TTC27: variants seen among roughly 807,000 people sequenced by gnomAD.
The protein encoded by TTC27 is tetratricopeptide repeat protein 27.
Under a neutral mutation model 115.9 loss-of-function variants are expected in TTC27, and 79 were observed. The observed-to-expected ratio is 0.68, with a 90% CI of 0.57 to 0.82. TTC27 has a LOEUF of 0.82. TTC27 is among the 40% of genes least tolerant of loss of function. The pLI, the probability that TTC27 is intolerant of heterozygous loss-of-function variation, is 0.00. For missense variants in TTC27, 1,054 were observed against 993.1 expected (o/e 1.06, Z -0.82); for synonymous variants, 401 against 356.0 (o/e 1.13, Z -1.42).
At chr2:32,702,021 A>AAAAAC (rs72299540) in intron 9 of TTC27, among the ~76,000 whole-genome samples, 1 of 20,528 alleles carries the variant, frequency 4.9e-5, no homozygotes, top group African/African-American at 2.5e-4. Context: ...AAAAAAAAAA[A>AAAAAC]AAAACAAAAA....
intron 14 of TTC27, among the ~76,000 whole-genome samples, chr2:32,779,137 C>G (rs1387354890): frequency 6.6e-6 from 1 of 152,082 alleles, no homozygotes; most frequent in Non-Finnish European, 1.5e-5. Context: ...GCGGGAGAAT[C>G]ACTTGAACCT....
In TTC27 at chr2:32,640,259, C is replaced by T; in HGVS notation, c.397-11C>T. 1 of 1,608,452 alleles carries T rather than the reference C, an allele frequency of 6.2e-7. No individual in the cohort carries two copies. Among genetic ancestry groups the T allele is most frequent in the Non-Finnish European group, 8.5e-7 (1 of 1,178,224 alleles). On this transcript the variant is annotated splice_polypyrimidine_tract_variant and intron_variant, in intron 3 of 19. Transcript: ENST00000317907. Reference sequence around the variant, plus strand: ...AAATTATATCATCTTAGTTTATAATCCTTTTTTCAGGTTAAAGGACTGGAT... The same window carrying T: ...AAATTATATCATCTTAGTTTATAATTCTTTTTTCAGGTTAAAGGACTGGAT...
At chr2:32,731,354 C>T (rs1246146537) in intron 10 of TTC27, among the ~76,000 whole-genome samples, 1 of 152,116 alleles carries the variant, frequency 6.6e-6, no homozygotes, top group East Asian at 1.9e-4. Context: ...GCTGGGATTA[C>T]AGGCGTGAGC....
intron 10 of TTC27, among the ~76,000 whole-genome samples, chr2:32,715,819 G>A (rs1667733816): frequency 6.6e-6 from 1 of 151,724 alleles, no homozygotes; most frequent in Non-Finnish European, 1.5e-5. Flanking sequence ...TTACACTGAG[G>A]CTCGTACTTG....
intron 13 of TTC27, among the ~76,000 whole-genome samples, chr2:32,762,317 G>A (rs977100745): frequency 1.4e-4 from 19 of 131,042 alleles, no homozygotes; most frequent in Non-Finnish European, 3.2e-4. Context: ...GTGTGTGTGT[G>A]TGTGTGTGTG....
intron 19 of TTC27, among the ~76,000 whole-genome samples, chr2:32,820,518 G>A (rs1671657184): frequency 6.6e-6 from 1 of 152,168 alleles, no homozygotes; most frequent in South Asian, 2.1e-4. Context: ...GTTGAATTAT[G>A]TCTGTTCATT....
chr2:32,805,555 A>C (rs1387523240), intron 16 of TTC27, among the ~76,000 whole-genome samples: 1 of 152,262 alleles, frequency 6.6e-6, no homozygotes, highest in South Asian at 2.1e-4. Context: ...TTTGGCACAA[A>C]GCGAGTGCTC....
intron 10 of TTC27, among the ~76,000 whole-genome samples, chr2:32,730,810 T>C (rs1012698187): frequency 2.6e-5 from 4 of 151,782 alleles, no homozygotes; most frequent in South Asian, 2.1e-4. Flanking sequence ...TTAGTAGAGA[T>C]GGGGTTTCAC....
intron 10 of TTC27, among the ~76,000 whole-genome samples, chr2:32,730,086 C>T (rs549043940): frequency 2.6e-5 from 4 of 152,286 alleles, no homozygotes; most frequent in Admixed American, 6.5e-5. Context: ...TGAGGCTTCA[C>T]GTGCATTCAG....
chr2:32,712,555 T>C (rs78143670), intron 10 of TTC27, among the ~76,000 whole-genome samples: 1,967 of 152,154 alleles, frequency 0.013, 46 homozygotes, highest in African/African-American at 0.045. Flanking sequence ...TTCTTTTTTT[T>C]TCTTTTTTTT....
intron 11 of TTC27, 81 bp downstream of exon 11, chr2:32,734,004 T>A: frequency 9.9e-7 from 1 of 1,006,534 alleles, no homozygotes; most frequent in Non-Finnish European, 1.5e-6. Flanking sequence ...TGATTTTAAT[T>A]TATGTTTGAA....
chr2:32,663,440 T>C (rs1665629261), intron 5 of TTC27, among the ~76,000 whole-genome samples: 1 of 152,276 alleles, frequency 6.6e-6, no homozygotes, highest in East Asian at 1.9e-4. Context: ...CCACGACCCC[T>C]TGTGCTTCCC....
At chr2:32,736,919 T>C (rs1668470423) in intron 12 of TTC27, 103 bp downstream of exon 12, 2 of 1,404,146 alleles carry the variant, frequency 1.4e-6, no homozygotes, top group East Asian at 2.6e-5. Context: ...TATTCACTTA[T>C]ATTCCTTTTT....
At chr2:32,769,539 A>C (rs537325222) in intron 13 of TTC27, among the ~76,000 whole-genome samples, 2 of 152,314 alleles carry the variant, frequency 1.3e-5, no homozygotes, top group East Asian at 1.9e-4. Flanking sequence ...AGACCTTTAC[A>C]TGGAGGAAGG....
At chr2:32,752,847 C>T (rs1222601040) in intron 12 of TTC27, among the ~76,000 whole-genome samples, 1 of 152,154 alleles carries the variant, frequency 6.6e-6, no homozygotes, top group Non-Finnish European at 1.5e-5. Flanking sequence ...ATAATCAGTG[C>T]CCTCTTCTGC....
At position 32,664,514 on chromosome 2, in the gene TTC27, A is replaced by G. The variant is rs762513752; in HGVS notation, c.805+47A>G. On this transcript the variant is annotated intron_variant, in intron 6 of 19. Coordinates refer to ENST00000317907, the MANE Select transcript of TTC27 (RefSeq NM_017735.5). ...TAATTGATTTTATTTTTATGATAAA[A>G]CTATATACATTGGCAGTTTGTATTG... The G allele has an allele frequency of 3.9e-6, 6 of 1,525,818 alleles. No individual in the cohort carries two copies. In the Admixed American group the frequency reaches 8.2e-5, roughly 21 times the overall value. The allele number at this position is 1,525,818 out of a possible 1,614,324, so 94.5% of individuals were successfully genotyped here.
At chr2:32,767,869 A>G (rs2057347) in intron 13 of TTC27, among the ~76,000 whole-genome samples, 24,944 of 152,208 alleles carry the variant, frequency 0.16, 2,482 homozygotes, top group East Asian at 0.35. Flanking sequence ...AATATTTTCA[A>G]TTAAAATTAT....
At chr2:32,815,353 C>T (rs1380673864) in intron 18 of TTC27, among the ~76,000 whole-genome samples, 1 of 149,986 alleles carries the variant, frequency 6.7e-6, no homozygotes, top group African/African-American at 2.5e-5. Flanking sequence ...TCTCCTGCCT[C>T]AGCCTCCCAA....
intron 13 of TTC27, 34 bp from the exon 14 acceptor site, chr2:32,777,848 G>A (rs192657718): frequency 6.3e-7 from 1 of 1,598,498 alleles, no homozygotes; most frequent in Admixed American, 1.7e-5. Flanking sequence ...ATGTTTCTGT[G>A]TGTTTGAATG....
Sources: allele counts gnomAD v4.1 joint callset (sites outside exome capture counted in the v4.1 genomes callset), GRCh38; gene constraint gnomAD v4.1.1; transcripts MANE v1.5; gene names NCBI Gene and HGNC (gene_info 2026-07-23, HGNC 2026-07-21).